The following PAQR5 variants were observed in gnomAD, a reference collection of about 807,000 sequenced individuals.
PAQR5 encodes membrane progestin receptor gamma.
PAQR5 carries 20 observed loss-of-function variants against 34.5 expected under a neutral mutation model. That is an observed-to-expected ratio of 0.58 (90% confidence interval 0.41 to 0.84). The LOEUF (loss-of-function observed/expected upper bound fraction) is 0.84, where lower values mean the gene tolerates loss of function less well. Ranked by LOEUF, PAQR5 falls within the 40% of genes least tolerant of loss-of-function variation. The pLI is 0.00. For missense variants in PAQR5, 378 were observed against 412.7 expected, an observed-to-expected ratio of 0.92 and a Z score of 0.73; for synonymous variants, 131 against 155.6, an observed-to-expected ratio of 0.84 and a Z score of 1.18.
chr15:69,327,548 C>A lies in PAQR5; in HGVS notation c.-276-9793C>A, dbSNP rs1487481646. 2.0e-5 allele frequency among the ~76,000 whole-genome samples: 3 copies of A among 152,100 alleles called. No homozygotes were observed. In the East Asian group the frequency reaches 5.8e-4, roughly 29 times the overall value. ...CTCAGTCTCCCCAGTGCCTAGGGTG[C>A]TTTTGAGATTCACTAACATTCACCT... On this transcript the variant is annotated intron_variant, in intron 1 of 8. Transcript: ENST00000395407.
chr15:69,388,480 G>A (rs868341198), intron 5 of PAQR5, among the ~76,000 whole-genome samples: 39 of 152,338 alleles, frequency 2.6e-4, no homozygotes, highest in Non-Finnish European at 4.1e-4. Flanking sequence ...TTCTGGCTGC[G>A]GTTCTGGGCA....
chr15:69,341,199 C>G (rs2054632875), intron 2 of PAQR5, among the ~76,000 whole-genome samples: 1 of 139,294 alleles, frequency 7.2e-6, no homozygotes. Context: ...GGCCCCCCTG[C>G]CAGACTGTCT....
rs76111709 is a variant in PAQR5 at position 69,358,434 on chromosome 15, C to T, written c.-115-1532C>T. Among the ~76,000 whole-genome samples, 507 of 152,086 alleles carry T rather than the reference C, an allele frequency of 3.3e-3. 5 individuals are homozygous for T. Among genetic ancestry groups the T allele is most frequent in the African/African-American group, 0.012 (494 of 41,498 alleles). On this transcript the variant is annotated intron_variant, in intron 2 of 8. Transcript: ENST00000395407. ...GCTGTGATCTGAGGCAGCTCCTGAC[C>T]CTCTTCCACCCACTGGCTGGACACA...
intron 1 of PAQR5, among the ~76,000 whole-genome samples, chr15:69,300,416 C>G (rs2053506988): frequency 6.6e-6 from 1 of 152,148 alleles, no homozygotes; most frequent in Non-Finnish European, 1.5e-5. Context: ...TGCCTTATCT[C>G]TGCCCTTGGC....
At chr15:69,350,742 T>C (rs1163611862) in intron 2 of PAQR5, among the ~76,000 whole-genome samples, 3 of 151,900 alleles carry the variant, frequency 2.0e-5, no homozygotes, top group Non-Finnish European at 4.4e-5. Context: ...CCTCAATCAA[T>C]TCCCAGACAT....
chr15:69,331,247 A>C (rs1472517085), intron 1 of PAQR5, among the ~76,000 whole-genome samples: 1 of 151,094 alleles, frequency 6.6e-6, no homozygotes, highest in Non-Finnish European at 1.5e-5. Flanking sequence ...GGTGTCTGTA[A>C]CTCCACCATG....
chr15:69,329,502 T>TGCTCTGTCACCTC (rs1198981802), intron 1 of PAQR5, among the ~76,000 whole-genome samples: 1 of 145,596 alleles, frequency 6.9e-6, no homozygotes, highest in African/African-American at 2.6e-5. Flanking sequence ...GAGAGAGCCT[T>TGCTCTGTCACCTC]GCTCTGTCAC....
At chr15:69,301,814 C>T (rs79307201) in intron 1 of PAQR5, among the ~76,000 whole-genome samples, 2,117 of 146,520 alleles carry the variant, frequency 0.014, 49 homozygotes, top group African/African-American at 0.051. Flanking sequence ...AAAAATGATC[C>T]GTACAGGAAG....
intron 3 of PAQR5, among the ~76,000 whole-genome samples, chr15:69,361,119 C>T (rs949251440): frequency 1.1e-4 from 16 of 152,320 alleles, no homozygotes; most frequent in African/African-American, 3.8e-4. Context: ...TCCCATGACA[C>T]TGGGCAGAGC....
Position 69,407,734 on chromosome 15 carries a change from T to G in PAQR5, c.*3912T>G, listed in dbSNP as rs935802283. 3 of 152,244 alleles carry G rather than the reference T, an allele frequency of 2.0e-5. No homozygotes were observed. Among genetic ancestry groups the G allele is most frequent in the African/African-American group, 7.2e-5 (3 of 41,458 alleles). 9.4% of individuals were successfully genotyped at this position (152,244 alleles called of 1,614,324 possible). ...CATGAGAAACAGATCCCTGTACACA[T>G]GTGTATCAGTAAATCATTCAATGAA... On this transcript the variant is annotated 3_prime_UTR_variant, in exon 9 of 9. Transcript: ENST00000395407.
chr15:69,354,263 T>C (rs1177987220), intron 2 of PAQR5, among the ~76,000 whole-genome samples: 1 of 152,162 alleles, frequency 6.6e-6, no homozygotes, highest in Non-Finnish European at 1.5e-5. Flanking sequence ...ACAAACATGA[T>C]CAGTTACAGA....
At chr15:69,381,638 G>A (rs1595917367) in intron 4 of PAQR5, among the ~76,000 whole-genome samples, 1 of 152,176 alleles carries the variant, frequency 6.6e-6, no homozygotes, top group East Asian at 1.9e-4. Context: ...CTTCTACACG[G>A]TGCCAGGCTC....
chr15:69,365,045 G>GAATTT (rs1246682993), intron 3 of PAQR5, among the ~76,000 whole-genome samples: 5 of 134,790 alleles, frequency 3.7e-5, no homozygotes, highest in African/African-American at 1.4e-4. Context: ...CTTCCCTTAT[G>GAATTT]AATTTTATTT....
intron 4 of PAQR5, among the ~76,000 whole-genome samples, chr15:69,384,273 C>T (rs2056032908): frequency 7.1e-6 from 1 of 140,532 alleles, no homozygotes; most frequent in Non-Finnish European, 1.5e-5. Flanking sequence ...GTGAGTGGGC[C>T]TCTGTGTTCG....
At chr15:69,386,838 C>T (rs899724718) in intron 5 of PAQR5, among the ~76,000 whole-genome samples, 4 of 152,228 alleles carry the variant, frequency 2.6e-5, no homozygotes, top group African/African-American at 9.6e-5. Context: ...GAGACCAGAA[C>T]TGTACCTGCT....
At chr15:69,343,058 A>G (rs983121524) in intron 2 of PAQR5, among the ~76,000 whole-genome samples, 3 of 152,212 alleles carry the variant, frequency 2.0e-5, no homozygotes, top group African/African-American at 7.2e-5. Flanking sequence ...CTTGTCTGAA[A>G]TGCCTTTAAC....
At chr15:69,303,791 G>A (rs1007748193) in intron 1 of PAQR5, among the ~76,000 whole-genome samples, 1 of 152,182 alleles carries the variant, frequency 6.6e-6, no homozygotes, top group Non-Finnish European at 1.5e-5. Context: ...TCTGGCAAGA[G>A]AGCCTAGAGG....
chr15:69,311,345 C>T lies in PAQR5; in HGVS notation c.-277+12289C>T, dbSNP rs138000959. 2.7e-3 allele frequency among the ~76,000 whole-genome samples: 412 copies of T among 152,136 alleles called. 3 individuals carry two copies. The highest frequency in any genetic ancestry group is 9.3e-3 in the African/African-American group (387 of 41,482). On this transcript the variant is annotated intron_variant, in intron 1 of 8. Coordinates refer to ENST00000395407, the MANE Select transcript of PAQR5 (RefSeq NM_017705.4). Reference sequence around the variant, plus strand: ...AAGTTAGAGGGATGAGAGAGTTCACCGATGTAGCAAGAGAATGATTGGACT... The same window carrying T: ...AAGTTAGAGGGATGAGAGAGTTCACTGATGTAGCAAGAGAATGATTGGACT...
rs1192046124 is a variant in PAQR5, at chr15:69,400,192, C to T, written c.751+77C>T. On this transcript the variant is annotated intron_variant, in intron 8 of 8. Coordinates refer to ENST00000395407, the MANE Select transcript of PAQR5 (RefSeq NM_017705.4). ...GGGTCCTGTCCCTGACTCCAGTGCA[C>T]GTAGCTGCAAAGGGCAGGGAAGGGC... 8 of 1,413,194 alleles carry T rather than the reference C, an allele frequency of 5.7e-6. No individual in the cohort carries two copies. The East Asian group carries it at 9.2e-5, about 16-fold the overall frequency. The allele number at this position is 1,413,194 out of a possible 1,614,324, so 87.5% of individuals were successfully genotyped here. A position where few individuals can be genotyped will look rare whatever the true frequency, so the allele number is the denominator to read the frequency against.
Sources: allele counts gnomAD v4.1 joint callset (sites outside exome capture counted in the v4.1 genomes callset), GRCh38; gene constraint gnomAD v4.1.1; transcripts MANE v1.5; gene names NCBI Gene and HGNC (gene_info 2026-07-23, HGNC 2026-07-21).